Variants in FBXO21 observed in about 807,000 individuals in gnomAD.
FBXO21 encodes the protein F-box only protein 21.
Under a neutral mutation model 76.6 loss-of-function variants are expected in FBXO21, and 32 were observed. The observed-to-expected ratio is 0.42, with a 90% CI of 0.32 to 0.56. The LOEUF (loss-of-function observed/expected upper bound fraction) is 0.56. FBXO21 is among the 20% of genes least tolerant of loss of function. FBXO21 has a pLI of 0.16. For missense variants in FBXO21, 586 were observed against 797.3 expected (o/e 0.73, Z 3.19); for synonymous variants, 328 against 311.5 (o/e 1.05, Z -0.56).
At chr12:117,159,766 C>T (rs913318905) in intron 9 of FBXO21, among the ~76,000 whole-genome samples, 2 of 152,176 alleles carry the variant, frequency 1.3e-5, no homozygotes, top group Non-Finnish European at 1.5e-5. Flanking sequence ...ACACACACAG[C>T]TCCCCTTCTC....
At chr12:117,182,761 C>T (rs902441860) in intron 3 of FBXO21, among the ~76,000 whole-genome samples, 3 of 151,552 alleles carry the variant, frequency 2.0e-5, no homozygotes, top group African/African-American at 7.3e-5. Flanking sequence ...CAGGGTTTTA[C>T]CATGTTGGAC....
intron 2 of FBXO21, among the ~76,000 whole-genome samples, chr12:117,187,987 T>C (rs1427656617): frequency 2.0e-5 from 3 of 152,356 alleles, no homozygotes; most frequent in South Asian, 4.1e-4. Context: ...GGGGAAAACA[T>C]TCAAATTTGT....
intron 1 of FBXO21, 41 bp downstream of exon 1, chr12:117,190,177 G>A (rs1195594047): frequency 1.7e-6 from 2 of 1,157,978 alleles, no homozygotes; most frequent in Non-Finnish European, 2.1e-6. Flanking sequence ...GGGGGCGCGG[G>A]GCGGTGGGCG....
At position 117,177,650 on chromosome 12, in the gene FBXO21, A is replaced by C; in HGVS notation, c.471-9T>G. Reference sequence around the variant, plus strand: ...TCCAGGTCAAAGCTTTTCTGGAAACAAAAAGTCAGTAAGAATTAAGATTTG... The same window carrying C: ...TCCAGGTCAAAGCTTTTCTGGAAACCAAAAGTCAGTAAGAATTAAGATTTG... On this transcript the variant is annotated splice_polypyrimidine_tract_variant and intron_variant, in intron 3 of 11. Transcript: ENST00000622495. 1 of 1,611,388 alleles carries C rather than the reference A, an allele frequency of 6.2e-7. No individual in the cohort carries two copies. The highest frequency in any genetic ancestry group is 8.5e-7 in the Non-Finnish European group (1 of 1,178,910).
intron 2 of FBXO21, among the ~76,000 whole-genome samples, chr12:117,188,160 C>G: frequency 6.6e-6 from 1 of 152,148 alleles, no homozygotes; most frequent in East Asian, 1.9e-4. Flanking sequence ...AGAACCCCAA[C>G]CAGAAATAAA....
chr12:117,155,452 T>C (rs1462823789), intron 11 of FBXO21: 2 of 263,984 alleles, frequency 7.6e-6, no homozygotes, highest in Non-Finnish European at 1.5e-5. Context: ...CAGGTGTTCA[T>C]CCGGTTCCCT....
rs1232782459 is a variant in FBXO21, at chr12:117,189,243, C to G, written c.359G>C (p.Arg120Thr). 6.2e-7 allele frequency: 1 copy of G among 1,614,206 alleles called. No homozygotes were observed. The highest frequency in any genetic ancestry group is 1.7e-5 in the Admixed American group (1 of 60,020). The change falls in exon 2 of 12, where the codon AGG becomes ACG. Residue 120 changes from arginine to threonine, a missense_variant. Transcript: ENST00000622495. ...GATCCTTACGTGCTCTGAAAAGAAC[C>G]TCTTTGAGAACGAGGCTACAATCTT... ...ARKIVASFSK[R>T]FFSEHVPCNG...
rs1444087904 is a variant in FBXO21 at position 117,174,555 on chromosome 12, A to G, written c.739+96T>C. ...GGTCACGTCATTTTATCACTTTTTC[A>G]TGACATAATGGCAGCACACTAACAA... On this transcript the variant is annotated intron_variant, in intron 5 of 11. Coordinates refer to ENST00000622495, the MANE Select transcript of FBXO21 (RefSeq NM_015002.3). 11 of 1,427,340 alleles carry G rather than the reference A, an allele frequency of 7.7e-6. No homozygotes were observed. In the Admixed American group the frequency reaches 1.6e-4, roughly 21 times the overall value. 88.4% of individuals were successfully genotyped at this position (1,427,340 alleles called of 1,614,324 possible). A position where few individuals can be genotyped will look rare whatever the true frequency, so the allele number is the denominator to read the frequency against.
At chr12:117,157,477 G>C (rs937567941) in intron 10 of FBXO21, among the ~76,000 whole-genome samples, 1 of 152,244 alleles carries the variant, frequency 6.6e-6, no homozygotes, top group East Asian at 1.9e-4. Flanking sequence ...AATTTTGCCT[G>C]GTAAATAGAC....
intron 9 of FBXO21, among the ~76,000 whole-genome samples, chr12:117,164,600 CT>C (rs1235793224): frequency 1.3e-5 from 2 of 152,074 alleles, no homozygotes; most frequent in African/African-American, 2.4e-5. Context: ...AAACAGGAGC[CT>C]TGGGGTTTTC....
intron 3 of FBXO21, among the ~76,000 whole-genome samples, chr12:117,181,112 A>C (rs927787799): frequency 6.6e-6 from 1 of 152,138 alleles, no homozygotes; most frequent in Non-Finnish European, 1.5e-5. Flanking sequence ...GCCAGTCCTT[A>C]TATCAGTGTT....
At position 117,146,099 on chromosome 12, in the gene FBXO21, G is replaced by T. The variant is rs1955766543; in HGVS notation, c.1854C>A (p.Asn618Lys). Residue 618 changes from asparagine to lysine, a missense_variant, in exon 12 of 12, where the codon AAC becomes AAA. Asn to Lys is a moderately conservative substitution (Grantham distance 94). Around this residue, in one of 6 missense-constraint regions of FBXO21, gnomAD observed 164 missense variants for 236.7 expected, o/e 0.69. Transcript: ENST00000622495. Reference sequence around the variant, plus strand: ...TCCTCTCTAGACTTTACTCATCTATGTTCTCTTTCTTTGCACTGTAAATAT... The same window carrying T: ...TCCTCTCTAGACTTTACTCATCTATTTTCTCTTTCTTTGCACTGTAAATAT... ...VQNIYSAKKE[N>K]IDE The T allele has an allele frequency of 6.2e-7, 1 of 1,601,332 alleles. No homozygotes were observed. Among genetic ancestry groups the T allele is most frequent in the South Asian group, 1.1e-5 (1 of 88,222 alleles).
At position 117,155,608 on chromosome 12, in the gene FBXO21, G is replaced by T. The variant is rs1955906041; in HGVS notation, c.1675+183C>A. The T allele has an allele frequency of 7.4e-6, 5 of 675,506 alleles. No homozygotes were observed. In the East Asian group the frequency reaches 1.4e-4, roughly 18 times the overall value. The allele number at this position is 675,506 out of a possible 1,614,324, so 41.8% of individuals were successfully genotyped here. A position where few individuals can be genotyped will look rare whatever the true frequency, so the allele number is the denominator to read the frequency against. ...GGTATGACTACTGACCCCTCGCCAG[G>T]GCGGCACCTGTGCAGACCCAGCCAC... is the stretch of plus-strand genomic sequence containing the variant. On this transcript the variant is annotated intron_variant, in intron 11 of 11. Transcript: ENST00000622495.
chr12:117,181,599 G>GAGTCTATCTATCTATCTA (rs1555242787), intron 3 of FBXO21, among the ~76,000 whole-genome samples: 11 of 145,660 alleles, frequency 7.6e-5, no homozygotes, highest in African/African-American at 1.5e-4. Flanking sequence ...ATCTGAGACA[G>GAGTCTATCTATCTATCTA]TCTATCTATC....
In FBXO21 at chr12:117,189,221, C is replaced by T. The variant is rs746081410; in HGVS notation, c.375+6G>A. The T allele has an allele frequency of 3.7e-6, 6 of 1,614,064 alleles. No homozygotes were observed. In the East Asian group the frequency reaches 1.3e-4, roughly 36 times the overall value. On this transcript the variant is annotated splice_donor_region_variant and intron_variant, in intron 2 of 11. Coordinates refer to ENST00000622495, the MANE Select transcript of FBXO21 (RefSeq NM_015002.3). Reference sequence around the variant, plus strand: ...AAAGCTTAGAGCCACATCAACAGATCCTTACGTGCTCTGAAAAGAACCTCT... The same window carrying T: ...AAAGCTTAGAGCCACATCAACAGATTCTTACGTGCTCTGAAAAGAACCTCT...
Position 117,161,700 on chromosome 12 carries a change from G to A in FBXO21, c.1327-3637C>T, listed in dbSNP as rs571343005. The stretch of plus-strand genomic sequence containing the variant: ...GGTCTGAGCCCAGGGTCCAGGCAGG[G>A]GTCCAGTGCTCCAGCAGCCACAGCA... On this transcript the variant is annotated intron_variant, in intron 9 of 11. Transcript: ENST00000622495. Among the ~76,000 whole-genome samples, 12 of 152,240 alleles carry A rather than the reference G, an allele frequency of 7.9e-5. No homozygotes were observed. In the East Asian group the frequency reaches 2.1e-3, roughly 27 times the overall value.
chr12:117,156,081 C>T lies in FBXO21; in HGVS notation c.1518-133G>A, dbSNP rs1271869404. ...CGGTGAATCATTTTTCAGGACACCC[C>T]TAACCCCTTTTATAAACACCTCTTA... On this transcript the variant is annotated intron_variant, in intron 10 of 11. Coordinates refer to ENST00000622495, the MANE Select transcript of FBXO21 (RefSeq NM_015002.3). 3 of 731,860 alleles carry T rather than the reference C, an allele frequency of 4.1e-6. No individual in the cohort carries two copies. The East Asian group carries it at 7.6e-5, about 19-fold the overall frequency. 45.3% of individuals were successfully genotyped at this position (731,860 alleles called of 1,614,324 possible).
rs1267756042 is a variant in FBXO21, at chr12:117,190,314, G to A, written c.143C>T (p.Thr48Met). ...GGAGACACGGCCGATGTCGGCGGCCGTCAGCGAGCCGCAGCACAGGATGTA... is the reference window on the plus strand; with the variant it reads ...GGAGACACGGCCGATGTCGGCGGCCATCAGCGAGCCGCAGCACAGGATGTA... ...LEYILCCGSLTAADIGRVSST... is the reference protein window; with the variant it reads ...LEYILCCGSLMAADIGRVSST... The change falls in exon 1 of 12, where the codon ACG becomes ATG. Residue 48 changes from threonine to methionine, a missense_variant. This residue lies in a region of FBXO21 where 152 missense variants were observed against 127.2 expected (regional missense o/e 1.19). Coordinates refer to ENST00000622495, the MANE Select transcript of FBXO21 (RefSeq NM_015002.3). 2 of 1,530,836 alleles carry A rather than the reference G, an allele frequency of 1.3e-6. No individual in the cohort carries two copies. Among genetic ancestry groups the A allele is most frequent in the Non-Finnish European group, 8.7e-7 (1 of 1,149,854 alleles). The allele number at this position is 1,530,836 out of a possible 1,614,324, so 94.8% of individuals were successfully genotyped here.
chr12:117,174,112 G>A lies in FBXO21; in HGVS notation c.876+93C>T, dbSNP rs1282063666. The stretch of plus-strand genomic sequence containing the variant: ...TGATCGCGCCACTGCATTCCAGCCT[G>A]AGCAACAGAGCGAGACCCTGTCTCT... On this transcript the variant is annotated intron_variant, in intron 6 of 11. Coordinates refer to ENST00000622495, the MANE Select transcript of FBXO21 (RefSeq NM_015002.3). The A allele has an allele frequency of 5.6e-6, 6 of 1,067,998 alleles. No individual in the cohort carries two copies. In the East Asian group the frequency reaches 7.1e-5, roughly 13 times the overall value. 66.2% of individuals were successfully genotyped at this position (1,067,998 alleles called of 1,614,324 possible).
Sources: gnomAD v4.1 joint callset for allele counts (sites outside exome capture counted in the v4.1 genomes callset) on GRCh38, gnomAD v4.1.1 for gene constraint, gnomAD v4.1.1 regional missense constraint, MANE v1.5 for transcripts, NCBI Gene and HGNC (gene_info 2026-07-23, HGNC 2026-07-21) for gene names.